Variants in MYRIP observed in about 807,000 individuals in gnomAD.
The protein encoded by MYRIP is myosin VIIA and Rab interacting protein.
Under a neutral mutation model 98.0 loss-of-function variants are expected in MYRIP, and 49 were observed. That is an observed-to-expected ratio of 0.50 (90% confidence interval 0.40 to 0.63). The LOEUF (loss-of-function observed/expected upper bound fraction) is 0.63, where lower values mean the gene tolerates loss of function less well. MYRIP is among the 30% of genes least tolerant of loss of function. MYRIP has a pLI of 0.00. For missense variants in MYRIP, 1,004 were observed against 1,058.2 expected (o/e 0.95, Z 0.71); for synonymous variants, 404 against 409.5 (o/e 0.99, Z 0.16).
chr3:39,930,395 G>A (rs992628125), intron 2 of MYRIP, among the ~76,000 whole-genome samples: 5 of 151,804 alleles, frequency 3.3e-5, no homozygotes, highest in African/African-American at 1.2e-4. Context: ...TGGGTTACTT[G>A]TCTTTTTATT....
intron 2 of MYRIP, among the ~76,000 whole-genome samples, chr3:39,959,444 A>T (rs917667375): frequency 3.3e-5 from 5 of 152,022 alleles, no homozygotes; most frequent in African/African-American, 1.2e-4. Context: ...AACACCACAT[A>T]TTCTCACTCA....
intron 1 of MYRIP, among the ~76,000 whole-genome samples, chr3:39,877,357 C>G (rs1220780357): frequency 6.6e-6 from 1 of 152,104 alleles, no homozygotes; most frequent in Non-Finnish European, 1.5e-5. Flanking sequence ...AAGTCATTCT[C>G]CGTCCAGCTT....
In MYRIP at chr3:40,250,803, C is replaced by T. The variant is rs1230515960; in HGVS notation, c.2428+304C>T. On this transcript the variant is annotated intron_variant, in intron 15 of 16. Transcript: ENST00000302541. Reference sequence around the variant, plus strand: ...TTCTTTGGGCAAATAAAGCTAAGTCCTCCTGGTGACCTCTGGGAGACAATG... The same window carrying T: ...TTCTTTGGGCAAATAAAGCTAAGTCTTCCTGGTGACCTCTGGGAGACAATG... Among the ~76,000 whole-genome samples, 3 of 152,250 alleles carry T rather than the reference C, an allele frequency of 2.0e-5. No homozygotes were observed. In the East Asian group the frequency reaches 5.8e-4, roughly 29 times the overall value.
chr3:39,996,665 G>T (rs180800402), intron 2 of MYRIP, among the ~76,000 whole-genome samples: 1 of 152,142 alleles, frequency 6.6e-6, no homozygotes, highest in South Asian at 2.1e-4. Flanking sequence ...ACTGAACTCA[G>T]CTCTGCACCA....
intron 9 of MYRIP, among the ~76,000 whole-genome samples, chr3:40,189,480 C>T (rs1420927753): frequency 6.6e-6 from 1 of 152,226 alleles, no homozygotes; most frequent in Admixed American, 6.5e-5. Flanking sequence ...GAAGCTGGTA[C>T]TGCCAACTGC....
intron 3 of MYRIP, among the ~76,000 whole-genome samples, chr3:40,094,625 T>G (rs537250944): frequency 1.3e-3 from 194 of 152,286 alleles, no homozygotes; most frequent in African/African-American, 4.4e-3. Flanking sequence ...CCCAGGACAT[T>G]GTAGATTCTC....
intron 2 of MYRIP, among the ~76,000 whole-genome samples, chr3:39,946,084 C>A (rs556922658): frequency 6.6e-6 from 1 of 152,030 alleles, no homozygotes; most frequent in African/African-American, 2.4e-5. Flanking sequence ...AAGCTTTGAT[C>A]CCTAGAATGT....
chr3:40,029,655 T>C (rs1452034832), intron 2 of MYRIP, among the ~76,000 whole-genome samples: 1 of 152,154 alleles, frequency 6.6e-6, no homozygotes. Context: ...AATGTAGGGT[T>C]TAATATAAGA....
intron 3 of MYRIP, 37 bp from the exon 4 acceptor site, chr3:40,151,011 A>T: frequency 6.6e-7 from 1 of 1,506,646 alleles, no homozygotes. Context: ...CCATTTAATA[A>T]TTCTAATTTT....
At chr3:40,158,129 A>C (rs916068841) in intron 4 of MYRIP, among the ~76,000 whole-genome samples, 2 of 151,736 alleles carry the variant, frequency 1.3e-5, no homozygotes, top group African/African-American at 4.8e-5. Flanking sequence ...TCTTGTGGGC[A>C]TTTAGTGCTA....
intron 12 of MYRIP, among the ~76,000 whole-genome samples, chr3:40,240,478 G>A (rs536707227): frequency 3.6e-4 from 55 of 152,344 alleles, no homozygotes; most frequent in African/African-American, 1.2e-3. Context: ...TGCCTCACTC[G>A]GGAAGCGCAA....
chr3:39,918,251 G>A (rs1944216022), intron 2 of MYRIP, among the ~76,000 whole-genome samples: 2 of 152,178 alleles, frequency 1.3e-5, no homozygotes, highest in Non-Finnish European at 2.9e-5. Flanking sequence ...TTCCCAAGGA[G>A]GCCAGCATCA....
chr3:39,968,820 T>A (rs1464383624), intron 2 of MYRIP, among the ~76,000 whole-genome samples: 1 of 152,176 alleles, frequency 6.6e-6, no homozygotes, highest in Non-Finnish European at 1.5e-5. Context: ...TTTTTTTGGT[T>A]CCATATGAAT....
chr3:39,959,873 G>A (rs952555312), intron 2 of MYRIP, among the ~76,000 whole-genome samples: 2 of 152,212 alleles, frequency 1.3e-5, no homozygotes, highest in Non-Finnish European at 2.9e-5. Context: ...CAGTGCTCCT[G>A]TCTAGCACCA....
intron 3 of MYRIP, among the ~76,000 whole-genome samples, chr3:40,088,012 A>AAGG (rs1948663280): frequency 6.6e-6 from 1 of 152,172 alleles, no homozygotes; most frequent in African/African-American, 2.4e-5. Flanking sequence ...AGTCACCAGG[A>AAGG]AGGAGGCTGG....
chr3:40,140,874 A>G (rs534177248), intron 3 of MYRIP, among the ~76,000 whole-genome samples: 1 of 152,336 alleles, frequency 6.6e-6, no homozygotes, highest in African/African-American at 2.4e-5. Flanking sequence ...ATGGAGATCC[A>G]TCCCCTTAAG....
intron 2 of MYRIP, among the ~76,000 whole-genome samples, chr3:39,997,052 A>G (rs910495699): frequency 6.6e-6 from 1 of 152,214 alleles, no homozygotes; most frequent in African/African-American, 2.4e-5. Context: ...AGGGAAATTT[A>G]TAGCACTAAA....
At chr3:39,816,868 A>C (rs1285362941) in intron 1 of MYRIP, among the ~76,000 whole-genome samples, 5 of 152,184 alleles carry the variant, frequency 3.3e-5, no homozygotes, top group Non-Finnish European at 7.3e-5. Flanking sequence ...ATAAATCCAA[A>C]CCTTATAAAA....
At chr3:39,945,025 T>A (rs552443715) in intron 2 of MYRIP, among the ~76,000 whole-genome samples, 1 of 152,178 alleles carries the variant, frequency 6.6e-6, no homozygotes, top group East Asian at 1.9e-4. Flanking sequence ...AGATCTTGAC[T>A]GGGAGATCTG....
Sources: allele counts gnomAD v4.1 joint callset (sites outside exome capture counted in the v4.1 genomes callset), GRCh38; gene constraint gnomAD v4.1.1; transcripts MANE v1.5; gene names NCBI Gene and HGNC (gene_info 2026-07-23, HGNC 2026-07-21).